Variants in CLINT1 observed in about 807,000 individuals in gnomAD.
CLINT1 encodes the protein clathrin interactor 1, also known as clathrin interacting protein localized in the trans-Golgi region.
Under a neutral mutation model 70.4 loss-of-function variants are expected in CLINT1, and 15 were observed. The observed-to-expected ratio is 0.21, with a 90% CI of 0.14 to 0.33. CLINT1 has a LOEUF of 0.33. Among genes scored for constraint, CLINT1 ranks in the 10% least tolerant of loss-of-function variants. The pLI, the probability that CLINT1 is intolerant of heterozygous loss-of-function variation, is 1.00. For missense variants in CLINT1, 615 were observed against 778.1 expected (o/e 0.79, Z 2.49); for synonymous variants, 227 against 254.7 (o/e 0.89, Z 1.04).
Position 157,787,667 on chromosome 5 carries a change from A to G in CLINT1, c.1857T>C (p.Asn619=). Residue 619 remains asparagine, a synonymous_variant, in exon 12 of 12, where the codon AAT becomes AAC. Coordinates refer to ENST00000411809, the MANE Select transcript of CLINT1 (RefSeq NM_014666.4). ...TCTCTTATTTGCTAAAATTGGCGAA[A>G]TTTGCAAAGGCATCTTGCTTGGGTT... ...TVQPKQDAFA[N]FANFSK The G allele has an allele frequency of 6.2e-7, 1 of 1,613,224 alleles. No individual in the cohort carries two copies. Among genetic ancestry groups the G allele is most frequent in the Non-Finnish European group, 8.5e-7 (1 of 1,179,390 alleles).
rs537298114 is a variant in CLINT1 at position 157,788,860 on chromosome 5, C to T, written c.1531+503G>A. 1.0e-4 allele frequency among the ~76,000 whole-genome samples: 15 copies of T among 150,088 alleles called. No homozygotes were observed. In the South Asian group the frequency reaches 1.1e-3, roughly 11 times the overall value. Reference sequence around the variant, plus strand: ...GTGCACGCCTGTAGTCCCAGCTACTCGGAAGGCTGAGGCAAGGAATTGCTT... The same window carrying T: ...GTGCACGCCTGTAGTCCCAGCTACTTGGAAGGCTGAGGCAAGGAATTGCTT... On this transcript the variant is annotated intron_variant, in intron 11 of 11. Coordinates refer to ENST00000411809, the MANE Select transcript of CLINT1 (RefSeq NM_014666.4).
At chr5:157,833,992 C>T (rs966088686) in intron 1 of CLINT1, among the ~76,000 whole-genome samples, 1 of 152,138 alleles carries the variant, frequency 6.6e-6, no homozygotes. Flanking sequence ...ATTTACCCGT[C>T]TCCCCCTCTG....
At chr5:157,834,920 C>CA (rs1763368772) in intron 1 of CLINT1, among the ~76,000 whole-genome samples, 2 of 152,102 alleles carry the variant, frequency 1.3e-5, no homozygotes, top group South Asian at 4.1e-4. Flanking sequence ...TCCATATACG[C>CA]AAATTTGCCT....
intron 1 of CLINT1, among the ~76,000 whole-genome samples, chr5:157,829,445 T>G (rs986018236): frequency 1.3e-5 from 2 of 152,240 alleles, no homozygotes; most frequent in African/African-American, 2.4e-5. Context: ...GAAAAATGTT[T>G]AAACAAGGGC....
At chr5:157,830,747 C>CCTCTCTCCCT (rs1763197313) in intron 1 of CLINT1, among the ~76,000 whole-genome samples, 8 of 91,282 alleles carry the variant, frequency 8.8e-5, no homozygotes, top group Non-Finnish European at 1.6e-4. Context: ...CCTGCCCCTC[C>CCTCTCTCCCT]CTCTCTCTCC....
At position 157,789,473 on chromosome 5, in the gene CLINT1, G is replaced by C. The variant is rs1158563220; in HGVS notation, c.1421C>G (p.Pro474Arg). 6.2e-7 allele frequency: 1 copy of C among 1,613,830 alleles called. No homozygotes were observed. The highest frequency in any genetic ancestry group is 8.5e-7 in the Non-Finnish European group (1 of 1,179,820). ...MVQKSVSKTL[P>R]STWSDPSVNI... is the part of the protein sequence containing the mutation. ...TACACTGGGGTCAGACCAAGTAGAG[G>C]GCAAGGTTTTGCTGACTGATTTCTG... The change falls in exon 11 of 12, where the codon CCC becomes CGC. Residue 474 changes from proline to arginine, a missense_variant. Coordinates refer to ENST00000411809, the MANE Select transcript of CLINT1 (RefSeq NM_014666.4).
At chr5:157,821,712 G>A (rs931842421) in intron 1 of CLINT1, among the ~76,000 whole-genome samples, 5 of 152,140 alleles carry the variant, frequency 3.3e-5, no homozygotes, top group Non-Finnish European at 7.3e-5. Context: ...CTGTTTAAAT[G>A]TAACAGTTAC....
intron 1 of CLINT1, among the ~76,000 whole-genome samples, chr5:157,855,159 G>GT (rs1231884782): frequency 1.2e-5 from 1 of 84,166 alleles, no homozygotes. Context: ...AAAAAAGGCG[G>GT]GGGGGGGGGC....
intron 1 of CLINT1, among the ~76,000 whole-genome samples, chr5:157,847,083 T>C (rs569587756): frequency 4.1e-4 from 63 of 152,166 alleles, no homozygotes; most frequent in South Asian, 1.7e-3. Flanking sequence ...ATTTAGACTT[T>C]CAAGTCTTAT....
intron 4 of CLINT1, among the ~76,000 whole-genome samples, chr5:157,813,532 AAT>A (rs1232457782): frequency 1.4e-4 from 22 of 152,332 alleles, no homozygotes; most frequent in African/African-American, 4.8e-4. Context: ...GACCACACAA[AAT>A]AGACATATCC....
intron 8 of CLINT1, among the ~76,000 whole-genome samples, chr5:157,801,874 C>T (rs1762232778): frequency 6.6e-6 from 1 of 151,540 alleles, no homozygotes; most frequent in Non-Finnish European, 1.5e-5. Flanking sequence ...CCAGCATAGA[C>T]TTACACTTAA....
At chr5:157,820,864 TAAAC>T (rs1015716788) in intron 1 of CLINT1, among the ~76,000 whole-genome samples, 5 of 152,138 alleles carry the variant, frequency 3.3e-5, no homozygotes, top group African/African-American at 9.7e-5. Context: ...AACGGTTTCT[TAAAC>T]ACACACACAA....
At chr5:157,826,948 TAC>T (rs1464777190) in intron 1 of CLINT1, among the ~76,000 whole-genome samples, 5 of 152,148 alleles carry the variant, frequency 3.3e-5, no homozygotes, top group African/African-American at 1.2e-4. Flanking sequence ...CTGCAAACTG[TAC>T]ATTTAGGAAA....
chr5:157,810,515 G>A lies in CLINT1; in HGVS notation c.518-710C>T, dbSNP rs151218461. Among the ~76,000 whole-genome samples the A allele has an allele frequency of 1.6e-3, 243 of 152,286 alleles. 2 individuals carry two copies. The highest frequency in any genetic ancestry group is 5.5e-3 in the African/African-American group (227 of 41,572). On this transcript the variant is annotated intron_variant, in intron 5 of 11. Coordinates refer to ENST00000411809, the MANE Select transcript of CLINT1 (RefSeq NM_014666.4). ...ATTCCAAACATATGCTGAGACTGGC[G>A]AAACCTAGAGCCTCTGTGTGAATTT...
intron 1 of CLINT1, among the ~76,000 whole-genome samples, chr5:157,828,289 T>G (rs1053026575): frequency 6.6e-6 from 1 of 152,092 alleles, no homozygotes; most frequent in Non-Finnish European, 1.5e-5. Context: ...GGCTGTTTTG[T>G]GGCTAGCAAA....
intron 1 of CLINT1, among the ~76,000 whole-genome samples, chr5:157,855,217 A>T (rs1255340292): frequency 1.3e-5 from 2 of 149,022 alleles, no homozygotes; most frequent in Non-Finnish European, 3.0e-5. Flanking sequence ...CCTTGCAAGG[A>T]AAGAGAAGGA....
chr5:157,806,097 T>C lies in CLINT1; in HGVS notation c.711A>G (p.Glu237=). ...SPERCSDSDE[E]KKARRGRSPK... ...GAGATCTGCCTCTTCTCGCTTTCTT[T>C]TCCTCATCGCTGTCGCTAAAAGATA... The change falls in exon 7 of 12, where the codon GAA becomes GAG. Residue 237 remains glutamate (E), a synonymous_variant. Coordinates refer to ENST00000411809, the MANE Select transcript of CLINT1 (RefSeq NM_014666.4). 1 of 1,613,926 alleles carries C rather than the reference T, an allele frequency of 6.2e-7. No homozygotes were observed. Among genetic ancestry groups the C allele is most frequent in the Non-Finnish European group, 8.5e-7 (1 of 1,179,834 alleles).
intron 8 of CLINT1, 153 bp from the exon 9 acceptor site, chr5:157,795,125 T>G: frequency 1.6e-6 from 1 of 638,020 alleles, no homozygotes; most frequent in South Asian, 1.9e-5. Flanking sequence ...TAGATTTTCA[T>G]GTCACTATGT....
intron 10 of CLINT1, 195 bp from the exon 11 acceptor site, chr5:157,789,708 T>C: frequency 1.4e-6 from 1 of 692,244 alleles, no homozygotes; most frequent in Non-Finnish European, 2.4e-6. Flanking sequence ...CCCTGAATCA[T>C]TAGCTTCCCA....
Sources: gnomAD v4.1 joint callset for allele counts (sites outside exome capture counted in the v4.1 genomes callset) on GRCh38, gnomAD v4.1.1 for gene constraint, MANE v1.5 for transcripts, NCBI Gene and HGNC (gene_info 2026-07-23, HGNC 2026-07-21) for gene names.